The following IL1RAPL2 variants were observed in gnomAD, a reference collection of about 807,000 sequenced individuals.
IL1RAPL2 encodes the protein X-linked interleukin-1 receptor accessory protein-like 2.
In IL1RAPL2, 3 loss-of-function variants were observed where a neutral mutation model predicts 44.1. The ratio of observed to expected loss-of-function variants is 0.07; its 90% CI spans 0.03 to 0.18. The LOEUF (loss-of-function observed/expected upper bound fraction) is 0.18, where lower values mean the gene tolerates loss of function less well. Ranked by LOEUF, IL1RAPL2 falls within the 10% of genes least tolerant of loss-of-function variation. The probability of loss-of-function intolerance (pLI) is 1.00; values close to 1 mark genes in which losing one functional copy is unlikely to be tolerated. For missense variants in IL1RAPL2, 391 were observed against 496.4 expected (o/e 0.79, Z 2.02); for synonymous variants, 181 against 178.8 (o/e 1.01, Z -0.10).
At chrX:104,911,215 T>C (rs1924228139) in intron 2 of IL1RAPL2, among the ~76,000 whole-genome samples, 1 of 111,872 alleles carries the variant, frequency 8.9e-6, no homozygotes, top group African/African-American at 3.2e-5. Context: ...TTGGAAAATT[T>C]TCTCTAACTG....
chrX:105,498,673 A>G (rs1432126688), intron 6 of IL1RAPL2, among the ~76,000 whole-genome samples: 1 of 112,185 alleles, frequency 8.9e-6, no homozygotes, highest in Non-Finnish European at 1.9e-5. Flanking sequence ...AAGCAGTGTG[A>G]TACTAGCATA....
rs1921131192 is a variant in IL1RAPL2 at position 104,816,226 on chromosome X, AGT to A, written c.82+157234_82+157235del. ...TGGATTTAATTTTTATGTGGGCTAC[AGT>A]GTAATTCTAATTCATGACTATAGTC... On this transcript the variant is annotated intron_variant, in intron 2 of 10. Transcript: ENST00000372582. 3.6e-5 allele frequency among the ~76,000 whole-genome samples: 4 copies of A among 112,060 alleles called. No individual in the cohort carries two copies. In the Admixed American group the frequency reaches 3.8e-4, roughly 11 times the overall value.
intron 1 of IL1RAPL2, chrX:104,647,856 C>T (rs1175435066): frequency 3.3e-6 from 2 of 601,055 alleles, no homozygotes; most frequent in South Asian, 2.3e-5. Flanking sequence ...TCCCCTACCA[C>T]AATGTCCTGT....
intron 1 of IL1RAPL2, among the ~76,000 whole-genome samples, chrX:104,586,255 GTGTC>G (rs1171615561): frequency 9.9e-5 from 11 of 111,521 alleles, no homozygotes; most frequent in Non-Finnish European, 1.9e-4. Flanking sequence ...CTTTTGAAAA[GTGTC>G]TGTTTGTGTC....
At chrX:105,108,254 A>G (rs1291647529) in intron 2 of IL1RAPL2, among the ~76,000 whole-genome samples, 4 of 111,982 alleles carry the variant, frequency 3.6e-5, no homozygotes, top group Non-Finnish European at 7.5e-5. Flanking sequence ...CCTCTGCAAT[A>G]ACCTTGACTG....
intron 2 of IL1RAPL2, among the ~76,000 whole-genome samples, chrX:104,928,166 TG>T: frequency 8.9e-6 from 1 of 111,747 alleles, no homozygotes; most frequent in Non-Finnish European, 1.9e-5. Flanking sequence ...AACAATCCAG[TG>T]TAACTGGATT....
chrX:104,595,342 G>A (rs184989522), intron 1 of IL1RAPL2, among the ~76,000 whole-genome samples: 4 of 111,429 alleles, frequency 3.6e-5, no homozygotes, highest in Admixed American at 9.6e-5. Flanking sequence ...GGTTTATGGC[G>A]GGGTGCAGGA....
chrX:104,589,067 T>G (rs1401322545), intron 1 of IL1RAPL2, among the ~76,000 whole-genome samples: 3 of 111,721 alleles, frequency 2.7e-5, no homozygotes, highest in Non-Finnish European at 5.6e-5. Context: ...GTTGCAAATT[T>G]TTTTGTGTGA....
At chrX:104,771,392 G>A (rs1458137076) in intron 2 of IL1RAPL2, among the ~76,000 whole-genome samples, 7 of 112,336 alleles carry the variant, frequency 6.2e-5, no homozygotes, top group African/African-American at 2.3e-4. Flanking sequence ...AGCCTTTGAG[G>A]CTGATAACTC....
intron 2 of IL1RAPL2, among the ~76,000 whole-genome samples, chrX:104,875,593 C>T (rs1282850815): frequency 9.0e-6 from 1 of 111,503 alleles, no homozygotes; most frequent in Admixed American, 9.6e-5. Context: ...TAGTGCCTGA[C>T]TTATACTATC....
intron 2 of IL1RAPL2, among the ~76,000 whole-genome samples, chrX:105,149,273 C>G (rs780083841): frequency 2.7e-5 from 3 of 111,305 alleles, no homozygotes; most frequent in Non-Finnish European, 3.8e-5. Flanking sequence ...ACCTGAGGAC[C>G]TAGAAAGAGT....
At chrX:105,294,930 A>G (rs2034643422) in intron 5 of IL1RAPL2, among the ~76,000 whole-genome samples, 1 of 111,970 alleles carries the variant, frequency 8.9e-6, no homozygotes, top group African/African-American at 3.3e-5. Flanking sequence ...GAGTGAAGCC[A>G]AGTAATTAGC....
intron 6 of IL1RAPL2, among the ~76,000 whole-genome samples, chrX:105,497,459 T>C (rs948211888): frequency 9.0e-6 from 1 of 111,479 alleles, no homozygotes; most frequent in African/African-American, 3.3e-5. Flanking sequence ...TAAGAACTAA[T>C]TGACAATACT....
chrX:105,472,768 T>C (rs903245281), intron 5 of IL1RAPL2, among the ~76,000 whole-genome samples: 1 of 112,023 alleles, frequency 8.9e-6, no homozygotes, highest in Non-Finnish European at 1.9e-5. Flanking sequence ...GCTGCCATCA[T>C]GTGGGAAATT....
chrX:105,709,575 G>C (rs1336807181), intron 6 of IL1RAPL2, among the ~76,000 whole-genome samples: 3 of 111,550 alleles, frequency 2.7e-5, no homozygotes, highest in South Asian at 3.7e-4. Context: ...TTTAGAAGAA[G>C]AAAGTGTGGC....
chrX:104,999,413 G>T (rs1471416681), intron 2 of IL1RAPL2, among the ~76,000 whole-genome samples: 1 of 111,320 alleles, frequency 9.0e-6, no homozygotes, highest in Non-Finnish European at 1.9e-5. Flanking sequence ...CTAGGGAAGT[G>T]TAGGAACATC....
chrX:105,093,479 T>C (rs1003508329), intron 2 of IL1RAPL2, among the ~76,000 whole-genome samples: 30 of 110,465 alleles, frequency 2.7e-4, no homozygotes, highest in African/African-American at 8.6e-4. Flanking sequence ...GAGAAGGGTG[T>C]GGAAAAATGA....
At chrX:104,686,012 C>G (rs1602680384) in intron 2 of IL1RAPL2, among the ~76,000 whole-genome samples, 1 of 110,581 alleles carries the variant, frequency 9.0e-6, no homozygotes, top group Non-Finnish European at 1.9e-5. Context: ...TGCTATATGA[C>G]ATAATGCTCA....
chrX:104,919,023 A>G lies in IL1RAPL2; in HGVS notation c.82+260028A>G, dbSNP rs532798155. Among the ~76,000 whole-genome samples the G allele has an allele frequency of 1.4e-3, 157 of 111,433 alleles. 1 individual carries two copies. Among genetic ancestry groups the G allele is most frequent in the African/African-American group, 4.7e-3 (145 of 30,661 alleles). ...ATCCATAGGAAAATTCATAGATGAT[A>G]ATCTCTTCATAAGAGGACGAACATT... On this transcript the variant is annotated intron_variant, in intron 2 of 10. Coordinates refer to ENST00000372582, the MANE Select transcript of IL1RAPL2 (RefSeq NM_017416.2).
Sources: gnomAD v4.1 joint callset for allele counts (sites outside exome capture counted in the v4.1 genomes callset) on GRCh38, gnomAD v4.1.1 for gene constraint, MANE v1.5 for transcripts, NCBI Gene and HGNC (gene_info 2026-07-23, HGNC 2026-07-21) for gene names.